Variants in CAAP1 observed in about 807,000 individuals in gnomAD.
The protein encoded by CAAP1 is conserved anti-apoptotic protein.
Under a neutral mutation model 34.0 loss-of-function variants are expected in CAAP1, and 20 were observed. That is an observed-to-expected ratio of 0.59 (90% CI 0.41 to 0.86). CAAP1 has a LOEUF of 0.86. Among genes scored for constraint, CAAP1 ranks in the 40% least tolerant of loss-of-function variants. The probability of loss-of-function intolerance (pLI) is 0.00; values close to 1 mark genes in which losing one functional copy is unlikely to be tolerated. For missense variants in CAAP1, 538 were observed against 450.5 expected, an observed-to-expected ratio of 1.19 and a Z score of -1.76; for synonymous variants, 213 against 166.7, an observed-to-expected ratio of 1.28 and a Z score of -2.14.
At chr9:26,869,536 T>C (rs931817272) in intron 4 of CAAP1, among the ~76,000 whole-genome samples, 3 of 152,196 alleles carry the variant, frequency 2.0e-5, no homozygotes, top group Non-Finnish European at 4.4e-5. Context: ...TTTATATTTA[T>C]ACAATGCCCC....
chr9:26,870,530 G>GTGTGTA (rs1276232028), intron 4 of CAAP1, among the ~76,000 whole-genome samples: 5 of 145,152 alleles, frequency 3.4e-5, no homozygotes, highest in Non-Finnish European at 6.0e-5. Context: ...GATCTCAGGG[G>GTGTGTA]TGTGTATATA....
chr9:26,870,901 G>C (rs889634376), intron 4 of CAAP1, among the ~76,000 whole-genome samples: 1 of 152,102 alleles, frequency 6.6e-6, no homozygotes, highest in Non-Finnish European at 1.5e-5. Flanking sequence ...ACAGGCGTGA[G>C]CCACCGCGCC....
chr9:26,889,450 G>T (rs1396823280), intron 1 of CAAP1, among the ~76,000 whole-genome samples: 2 of 151,978 alleles, frequency 1.3e-5, no homozygotes, highest in African/African-American at 4.8e-5. Context: ...AAAACTGACT[G>T]TAGTGACGGT....
At chr9:26,858,929 C>T (rs1822939834) in intron 5 of CAAP1, among the ~76,000 whole-genome samples, 1 of 127,270 alleles carries the variant, frequency 7.9e-6, no homozygotes, top group African/African-American at 3.1e-5. Flanking sequence ...ACCTGGGAGG[C>T]GGAGCTGGCA....
chr9:26,866,757 T>C (rs577063996), intron 4 of CAAP1, among the ~76,000 whole-genome samples: 2 of 152,318 alleles, frequency 1.3e-5, no homozygotes, highest in Non-Finnish European at 2.9e-5. Context: ...ATGAATTTTG[T>C]AATAAACTAC....
chr9:26,865,447 C>G (rs1823112469), intron 4 of CAAP1, among the ~76,000 whole-genome samples: 2 of 151,650 alleles, frequency 1.3e-5, no homozygotes, highest in African/African-American at 4.9e-5. Context: ...TCACTGGAAC[C>G]CGGGAGGTGG....
chr9:26,873,706 T>G (rs1823337867), intron 4 of CAAP1, among the ~76,000 whole-genome samples: 1 of 152,216 alleles, frequency 6.6e-6, no homozygotes, highest in South Asian at 2.1e-4. Flanking sequence ...TATTACCTAC[T>G]TACTTAAAAT....
intron 5 of CAAP1, among the ~76,000 whole-genome samples, chr9:26,849,642 CATT>C (rs1171249465): frequency 1.3e-5 from 2 of 151,794 alleles, no homozygotes; most frequent in Non-Finnish European, 2.9e-5. Context: ...ATTTCAATAA[CATT>C]AGTTTAACAT....
intron 4 of CAAP1, among the ~76,000 whole-genome samples, chr9:26,878,768 ACT>A (rs1440231714): frequency 6.6e-6 from 1 of 151,908 alleles, no homozygotes. Context: ...GTGAGCCAAG[ACT>A]GCACACCGTA....
At chr9:26,884,180 T>C (rs975843042) in intron 4 of CAAP1, among the ~76,000 whole-genome samples, 4 of 152,208 alleles carry the variant, frequency 2.6e-5, no homozygotes, top group Non-Finnish European at 5.9e-5. Flanking sequence ...AAATAGTTAA[T>C]TGTTTTAAGC....
At chr9:26,845,183 G>A (rs909767753) in intron 5 of CAAP1, among the ~76,000 whole-genome samples, 1 of 152,158 alleles carries the variant, frequency 6.6e-6, no homozygotes, top group East Asian at 1.9e-4. Context: ...GTAGGGCAGA[G>A]ATTTTTGTTG....
chr9:26,877,393 G>A (rs565730156), intron 4 of CAAP1, among the ~76,000 whole-genome samples: 4 of 152,186 alleles, frequency 2.6e-5, no homozygotes, highest in South Asian at 4.2e-4. Flanking sequence ...ACTCTATGAC[G>A]TTTGCACAAC....
chr9:26,892,760 T>G lies in CAAP1; in HGVS notation c.-45A>C. 6.5e-7 allele frequency: 1 copy of G among 1,527,686 alleles called. No individual in the cohort carries two copies. Among genetic ancestry groups the G allele is most frequent in the Non-Finnish European group, 8.8e-7 (1 of 1,141,364 alleles). 94.6% of individuals were successfully genotyped at this position (1,527,686 alleles called of 1,614,324 possible). On this transcript the variant is annotated 5_prime_UTR_variant, in exon 1 of 6. Transcript: ENST00000333916. ...TCGGAGGAAAGTCCGCTGTCTCTGG[T>G]GCGACCGAAGCCCGACTCCTGCGGC...
At chr9:26,880,339 G>C (rs1365369657) in intron 4 of CAAP1, 1 of 316,668 alleles carries the variant, frequency 3.2e-6, no homozygotes, top group African/African-American at 2.2e-5. Context: ...TCTCAAGCCA[G>C]ACCGTGGAAG....
intron 4 of CAAP1, among the ~76,000 whole-genome samples, chr9:26,877,561 T>C (rs930200923): frequency 6.6e-5 from 10 of 152,224 alleles, no homozygotes; most frequent in Admixed American, 3.9e-4. Flanking sequence ...TGACCAAGTA[T>C]AGGAGCAAGG....
At chr9:26,860,407 T>C (rs969218127) in intron 5 of CAAP1, among the ~76,000 whole-genome samples, 1 of 152,152 alleles carries the variant, frequency 6.6e-6, no homozygotes, top group Non-Finnish European at 1.5e-5. Context: ...GGGAAAAAAG[T>C]TATGCTATAA....
chr9:26,859,789 T>A (rs532275877), intron 5 of CAAP1, among the ~76,000 whole-genome samples: 88 of 152,336 alleles, frequency 5.8e-4, no homozygotes, highest in African/African-American at 2.1e-3. Flanking sequence ...TATATGAGGT[T>A]ATCACAACAG....
rs748810547 is a variant in CAAP1, at chr9:26,842,524, G to C, written c.863C>G (p.Ala288Gly). The change falls in exon 6 of 6, where the codon GCT becomes GGT. Residue 288 changes from alanine (A) to glycine (G), a missense_variant. Around this residue, in one of 3 missense-constraint regions of CAAP1, gnomAD observed 514 missense variants for 408.4 expected, o/e 1.26. Transcript: ENST00000333916. ...EAPENTVQSE[A>G]GQIDDLEKDI... ...TTTCTCCAGGTCATCTATCTGACCAGCTTCACTTTGGACTGTATTTTCTGG... is the reference window on the plus strand; with the variant it reads ...TTTCTCCAGGTCATCTATCTGACCACCTTCACTTTGGACTGTATTTTCTGG... 5.0e-6 allele frequency: 8 copies of C among 1,614,164 alleles called. No individual in the cohort carries two copies. The highest frequency in any genetic ancestry group is 6.8e-6 in the Non-Finnish European group (8 of 1,180,036).
intron 1 of CAAP1, among the ~76,000 whole-genome samples, chr9:26,889,061 A>C (rs1213952064): frequency 1.3e-5 from 2 of 152,204 alleles, no homozygotes; most frequent in Non-Finnish European, 2.9e-5. Context: ...GACACAAAAC[A>C]CCACATATTA....
Sources: gnomAD v4.1 joint callset for allele counts (sites outside exome capture counted in the v4.1 genomes callset) on GRCh38, gnomAD v4.1.1 for gene constraint, gnomAD v4.1.1 regional missense constraint, MANE v1.5 for transcripts, NCBI Gene and HGNC (gene_info 2026-07-23, HGNC 2026-07-21) for gene names.